Variants in SUPT3H observed in about 807,000 individuals in gnomAD.
SUPT3H encodes the protein SPT3 homolog, SAGA and STAGA complex component.
In SUPT3H, 44 loss-of-function variants were observed where a neutral mutation model predicts 44.3. The observed-to-expected ratio is 0.99, with a 90% CI of 0.78 to 1.28. The LOEUF (loss-of-function observed/expected upper bound fraction) is 1.28, where lower values mean the gene tolerates loss of function less well. Ranked by LOEUF, SUPT3H falls within the 50% of genes most tolerant of loss-of-function variation. SUPT3H has a pLI of 0.00. For missense variants in SUPT3H, 380 were observed against 387.1 expected, an observed-to-expected ratio of 0.98 and a Z score of 0.15; for synonymous variants, 124 against 125.6, an observed-to-expected ratio of 0.99 and a Z score of 0.09.
At chr6:44,941,263 C>T (rs372870652) in intron 9 of SUPT3H, among the ~76,000 whole-genome samples, 15 of 152,024 alleles carry the variant, frequency 9.9e-5, no homozygotes, top group Middle Eastern at 3.4e-3. Context: ...TGTATGATGG[C>T]GAATATTAAC....
chr6:44,972,124 T>C (rs1777663363), intron 6 of SUPT3H, among the ~76,000 whole-genome samples: 1 of 152,022 alleles, frequency 6.6e-6, no homozygotes, highest in Admixed American at 6.5e-5. Flanking sequence ...AAAGTCCAAG[T>C]CCAAAGTCTC....
intron 2 of SUPT3H, among the ~76,000 whole-genome samples, chr6:45,188,169 C>T (rs750656946): frequency 2.0e-5 from 3 of 152,196 alleles, no homozygotes; most frequent in Middle Eastern, 3.2e-3. Context: ...TTAATAATGA[C>T]GCCAAAGGGC....
chr6:45,340,379 A>C (rs1013944713), intron 2 of SUPT3H, among the ~76,000 whole-genome samples: 1 of 152,134 alleles, frequency 6.6e-6, no homozygotes, highest in Non-Finnish European at 1.5e-5. Context: ...GCTAGAGTGC[A>C]CTGGCATGAT....
At chr6:45,346,542 T>C (rs755908419) in intron 2 of SUPT3H, among the ~76,000 whole-genome samples, 8 of 150,854 alleles carry the variant, frequency 5.3e-5, no homozygotes, top group Non-Finnish European at 1.2e-4. Flanking sequence ...ATGCCTGGCA[T>C]ATAATAGGAA....
At chr6:44,849,079 G>A (rs148377968) in intron 10 of SUPT3H, among the ~76,000 whole-genome samples, 1 of 152,264 alleles carries the variant, frequency 6.6e-6, no homozygotes, top group East Asian at 1.9e-4. Flanking sequence ...GCAGTTTAAC[G>A]TAATTTCATG....
chr6:45,064,813 G>C (rs1439693404), intron 3 of SUPT3H, among the ~76,000 whole-genome samples: 2 of 148,508 alleles, frequency 1.3e-5, no homozygotes, highest in Middle Eastern at 3.2e-3. Flanking sequence ...CATAAAGCAA[G>C]TCCTGAGTGA....
chr6:45,330,786 G>A (rs989720232), intron 2 of SUPT3H, among the ~76,000 whole-genome samples: 5 of 150,938 alleles, frequency 3.3e-5, no homozygotes, highest in African/African-American at 4.9e-5. Context: ...TTCCCTCCCC[G>A]CCAGCCCCCA....
intron 2 of SUPT3H, among the ~76,000 whole-genome samples, chr6:45,164,620 T>C (rs1809558113): frequency 6.6e-6 from 1 of 152,094 alleles, no homozygotes; most frequent in Non-Finnish European, 1.5e-5. Flanking sequence ...GGCCTAAGCC[T>C]CAGTACTTCT....
intron 2 of SUPT3H, among the ~76,000 whole-genome samples, chr6:45,198,181 C>A (rs1046002498): frequency 5.3e-5 from 8 of 150,452 alleles, no homozygotes; most frequent in Admixed American, 6.6e-5. Context: ...GAAAGCCAGG[C>A]AGGAACAAAA....
At chr6:44,868,325 C>T (rs927837224) in intron 10 of SUPT3H, among the ~76,000 whole-genome samples, 8 of 152,250 alleles carry the variant, frequency 5.3e-5, no homozygotes, top group South Asian at 4.2e-4. Context: ...CCCAGGAAAA[C>T]GTAAAGTAAA....
At chr6:44,928,089 G>A (rs540762343) in intron 10 of SUPT3H, among the ~76,000 whole-genome samples, 3 of 152,226 alleles carry the variant, frequency 2.0e-5, no homozygotes, top group East Asian at 1.9e-4. Flanking sequence ...GCCATAAAGC[G>A]GTGAAAAAAC....
intron 10 of SUPT3H, among the ~76,000 whole-genome samples, chr6:44,868,692 T>C (rs1328680522): frequency 6.6e-6 from 1 of 152,186 alleles, no homozygotes; most frequent in East Asian, 1.9e-4. Flanking sequence ...CTTCCCCTCT[T>C]TGGAGCTCCT....
At chr6:45,375,102 G>C (rs981979541) in intron 1 of SUPT3H, among the ~76,000 whole-genome samples, 1 of 152,216 alleles carries the variant, frequency 6.6e-6, no homozygotes, top group Non-Finnish European at 1.5e-5. Context: ...AGCTACTCGG[G>C]AGGCTGAGGC....
intron 2 of SUPT3H, among the ~76,000 whole-genome samples, chr6:45,255,867 C>G (rs1268271671): frequency 6.6e-6 from 1 of 152,118 alleles, no homozygotes; most frequent in African/African-American, 2.4e-5. Context: ...ACATTTTTAT[C>G]ACACAGAAAA....
At chr6:44,917,619 C>T (rs920053922) in intron 10 of SUPT3H, among the ~76,000 whole-genome samples, 3 of 152,108 alleles carry the variant, frequency 2.0e-5, no homozygotes, top group African/African-American at 7.2e-5. Context: ...ACAGGGAGCA[C>T]CACATAAATT....
chr6:44,844,133 T>C (rs1309541957), intron 10 of SUPT3H, among the ~76,000 whole-genome samples: 3 of 152,138 alleles, frequency 2.0e-5, no homozygotes, highest in East Asian at 1.9e-4. Context: ...GGTGCCAAGA[T>C]AACTCAATAG....
intron 2 of SUPT3H, among the ~76,000 whole-genome samples, chr6:45,351,698 T>C (rs537696695): frequency 1.3e-5 from 2 of 152,274 alleles, no homozygotes; most frequent in Admixed American, 6.5e-5. Flanking sequence ...ATCAACTCCA[T>C]ACTTTCTATT....
chr6:45,250,120 G>C (rs561326109), intron 2 of SUPT3H, among the ~76,000 whole-genome samples: 1 of 151,980 alleles, frequency 6.6e-6, no homozygotes, highest in African/African-American at 2.4e-5. Context: ...TTGATGCCTC[G>C]GTCTTAAGTA....
chr6:45,214,164 C>T (rs1218914160), intron 2 of SUPT3H, among the ~76,000 whole-genome samples: 1 of 151,620 alleles, frequency 6.6e-6, no homozygotes, highest in African/African-American at 2.4e-5. Context: ...TACATAACAG[C>T]TCAGAAGGAA....
Sources: allele counts gnomAD v4.1 joint callset (sites outside exome capture counted in the v4.1 genomes callset), GRCh38; gene constraint gnomAD v4.1.1; transcripts MANE v1.5; gene names NCBI Gene and HGNC (gene_info 2026-07-23, HGNC 2026-07-21).